Variants in TANGO2 observed in about 807,000 individuals in gnomAD.
The protein encoded by TANGO2 is transport and golgi organization 2 homolog, also known as transport and Golgi organization protein 2 homolog.
TANGO2 carries 26 observed loss-of-function variants against 39.1 expected under a neutral mutation model. The ratio of observed to expected loss-of-function variants is 0.67; its 90% confidence interval spans 0.49 to 0.92. The LOEUF is 0.92. TANGO2 is among the 40% of genes least tolerant of loss of function. The probability of loss-of-function intolerance (pLI) is 0.00; values close to 1 mark genes in which losing one functional copy is unlikely to be tolerated. For missense variants in TANGO2, 326 were observed against 360.1 expected (o/e 0.91, Z 0.77); for synonymous variants, 131 against 144.5 (o/e 0.91, Z 0.67).
At chr22:20,051,236 A>G (rs533963173) in intron 3 of TANGO2, among the ~76,000 whole-genome samples, 116 of 152,044 alleles carry the variant, frequency 7.6e-4, no homozygotes, top group Non-Finnish European at 1.5e-3. Context: ...ATTGTTATAA[A>G]AATAATATCT....
intron 3 of TANGO2, among the ~76,000 whole-genome samples, chr22:20,044,596 C>G (rs2044733020): frequency 6.6e-6 from 1 of 152,150 alleles, no homozygotes; most frequent in African/African-American, 2.4e-5. Flanking sequence ...CTGTGTAGGC[C>G]TGTGGCCTGG....
At chr22:20,026,489 C>T (rs1179222346) in intron 1 of TANGO2, among the ~76,000 whole-genome samples, 1 of 152,064 alleles carries the variant, frequency 6.6e-6, no homozygotes, top group East Asian at 1.9e-4. Flanking sequence ...GGGCCTTTAG[C>T]AGGACGGGAC....
chr22:20,032,969 T>TG lies in TANGO2; in HGVS notation c.-39-3787dup, dbSNP rs529032291. 4.3e-4 allele frequency among the ~76,000 whole-genome samples: 66 copies of TG among 152,154 alleles called. No homozygotes were observed. In the South Asian group the frequency reaches 0.014, roughly 31 times the overall value. On this transcript the variant is annotated intron_variant, in intron 1 of 8. Coordinates refer to ENST00000327374, the MANE Select transcript of TANGO2 (RefSeq NM_152906.7). ...GTTGGAATGCTGTGGTGGGCCTGTG[T>TG]GGGGACCTTGTAGGACCTAGGGAAC...
chr22:20,053,596 C>G, intron 5 of TANGO2, 45 bp downstream of exon 5: 1 of 1,304,086 alleles, frequency 7.7e-7, no homozygotes, highest in South Asian at 1.2e-5. Context: ...AGCACTGCCT[C>G]GGGGGCAGGC....
At chr22:20,052,983 G>A (rs568692060) in intron 4 of TANGO2, among the ~76,000 whole-genome samples, 9 of 152,260 alleles carry the variant, frequency 5.9e-5, no homozygotes, top group Middle Eastern at 3.4e-3. Flanking sequence ...GCCCTCTGGC[G>A]TCGCAGCCAG....
chr22:20,036,158 C>T (rs1296994997), intron 1 of TANGO2, among the ~76,000 whole-genome samples: 1 of 152,148 alleles, frequency 6.6e-6, no homozygotes, highest in Non-Finnish European at 1.5e-5. Context: ...TACAGCAAGA[C>T]AAGCCCCCAA....
At chr22:20,056,041 G>T (rs776396392) in intron 6 of TANGO2, 28 bp downstream of exon 6, 1 of 1,587,380 alleles carries the variant, frequency 6.3e-7, no homozygotes, top group Non-Finnish European at 8.7e-7. Flanking sequence ...GCCTGATGGG[G>T]TGGGGGACTG....
chr22:20,023,636 C>CCT (rs1569224500), intron 1 of TANGO2, among the ~76,000 whole-genome samples: 12 of 150,642 alleles, frequency 8.0e-5, no homozygotes, highest in Middle Eastern at 3.5e-3. Flanking sequence ...GGGTGGATCA[C>CCT]GAGGCCAGGA....
chr22:20,037,308 G>A (rs980967253), intron 2 of TANGO2, among the ~76,000 whole-genome samples: 41 of 152,212 alleles, frequency 2.7e-4, no homozygotes, highest in Admixed American at 8.5e-4. Context: ...AAGAGGGGAC[G>A]CTGAGGACCA....
chr22:20,061,800 G>T (rs1049879152), intron 7 of TANGO2, 117 bp downstream of exon 7: 23 of 1,300,172 alleles, frequency 1.8e-5, no homozygotes, highest in Non-Finnish European at 2.4e-5. Flanking sequence ...GTCCCCAGCT[G>T]CAGGGAAGCT....
intron 5 of TANGO2, 84 bp downstream of exon 5, chr22:20,053,635 C>G (rs1442760513): frequency 1.1e-6 from 1 of 912,480 alleles, no homozygotes; most frequent in Non-Finnish European, 1.8e-6. Flanking sequence ...TGGGGTTCCA[C>G]TGGGGGCTGT....
chr22:20,026,519 G>A (rs555438390), intron 1 of TANGO2, among the ~76,000 whole-genome samples: 3 of 152,344 alleles, frequency 2.0e-5, no homozygotes, highest in Non-Finnish European at 2.9e-5. Context: ...GTACAGTAAT[G>A]ATGGGAAAAT....
Position 20,064,841 on chromosome 22 carries a change from TCTGC to T in TANGO2, c.*182_*185del. 2 of 765,522 alleles carry T rather than the reference TCTGC, an allele frequency of 2.6e-6. No homozygotes were observed. The allele number at this position is 765,522 out of a possible 1,614,324, so 47.4% of individuals were successfully genotyped here. On this transcript the variant is annotated 3_prime_UTR_variant, in exon 9 of 9. Coordinates refer to ENST00000327374, the MANE Select transcript of TANGO2 (RefSeq NM_152906.7). ...CTGTGTCCCCATGCCCAGTTCAGGG[TCTGC>T]CTTTATGCCAGTGAGGAGCAGCAGA... is the stretch of plus-strand genomic sequence containing the variant.
chr22:20,049,314 T>C (rs1052594045), intron 3 of TANGO2, among the ~76,000 whole-genome samples: 1 of 152,214 alleles, frequency 6.6e-6, no homozygotes, highest in Non-Finnish European at 1.5e-5. Context: ...GATCTATGTA[T>C]CTGTCTTGAT....
At chr22:20,064,458 T>A in intron 8 of TANGO2, 84 bp from the exon 9 acceptor site, 1 of 1,565,314 alleles carries the variant, frequency 6.4e-7, no homozygotes, top group Non-Finnish European at 8.7e-7. Flanking sequence ...TCTACCTGCC[T>A]GCATTCTTGC....
rs964890189 is a variant in TANGO2, at chr22:20,065,025, C to A, written c.*363C>A. On this transcript the variant is annotated 3_prime_UTR_variant, in exon 9 of 9. Transcript: ENST00000327374. ...ACATGCAAGCCATATACATGGACAC[C>A]GACACAGGCACATGTACGTGCACAG... The A allele has an allele frequency of 3.3e-5, 8 of 239,214 alleles. No homozygotes were observed. The highest frequency in any genetic ancestry group is 1.8e-4 in the African/African-American group (8 of 45,152). The allele number at this position is 239,214 out of a possible 1,614,324, so 14.8% of individuals were successfully genotyped here.
intron 1 of TANGO2, among the ~76,000 whole-genome samples, chr22:20,032,524 C>T (rs1353945956): frequency 1.3e-5 from 2 of 152,246 alleles, no homozygotes; most frequent in East Asian, 1.9e-4. Context: ...TGGTTCTGGC[C>T]GCCTGGGCCT....
intron 3 of TANGO2, among the ~76,000 whole-genome samples, chr22:20,044,268 A>G (rs1435442127): frequency 6.6e-6 from 1 of 152,172 alleles, no homozygotes; most frequent in Admixed American, 6.5e-5. Flanking sequence ...TATAGGTGTG[A>G]ACCCAACACT....
chr22:20,052,573 C>G lies in TANGO2; in HGVS notation c.254C>G (p.Ala85Gly). The G allele has an allele frequency of 6.3e-7, 1 of 1,575,362 alleles. No homozygotes were observed. The highest frequency in any genetic ancestry group is 2.3e-5 in the East Asian group (1 of 43,006). ...CTGCAGCCGCAGCTGGACTGGCAGG[C>G]CCGAGGGCGAGGTAAGGCGAGTGGG... ...NYLQPQLDWQ[A>G]RGRGELVTHF... The change falls in exon 4 of 9, where the codon GCC becomes GGC. Residue 85 changes from alanine to glycine, a missense_variant. Ala to Gly is a moderately conservative substitution (Grantham distance 60). Transcript: ENST00000327374.
Sources: allele counts gnomAD v4.1 joint callset (sites outside exome capture counted in the v4.1 genomes callset), GRCh38; gene constraint gnomAD v4.1.1; transcripts MANE v1.5; gene names NCBI Gene and HGNC (gene_info 2026-07-23, HGNC 2026-07-21).